The following RIMBP2 variants were observed in gnomAD, a reference collection of about 807,000 sequenced individuals.
RIMBP2 encodes RIMS-binding protein 2.
Under a neutral mutation model 118.6 loss-of-function variants are expected in RIMBP2, and 48 were observed. The ratio of observed to expected loss-of-function variants is 0.40; its 90% CI spans 0.32 to 0.51. The LOEUF (loss-of-function observed/expected upper bound fraction) is 0.51, where lower values mean the gene tolerates loss of function less well. Ranked by LOEUF, RIMBP2 falls within the 20% of genes least tolerant of loss-of-function variation. RIMBP2 has a pLI of 0.41. For synonymous variants in RIMBP2, 762 were observed against 742.9 expected (o/e 1.03, Z -0.42); for missense variants, 1,551 against 1,768.3 (o/e 0.88, Z 2.20).
intron 19 of RIMBP2, among the ~76,000 whole-genome samples, chr12:130,410,664 A>T (rs1372841213): frequency 6.6e-6 from 1 of 152,042 alleles, no homozygotes; most frequent in East Asian, 1.9e-4. Flanking sequence ...AAATCAGTGG[A>T]CTCCATATGT....
At chr12:130,415,357 T>C (rs887022517) in intron 17 of RIMBP2, among the ~76,000 whole-genome samples, 1 of 152,134 alleles carries the variant, frequency 6.6e-6, no homozygotes, top group African/African-American at 2.4e-5. Context: ...CATCCCTTCA[T>C]GATTAAAAAA....
intron 1 of RIMBP2, among the ~76,000 whole-genome samples, chr12:130,694,661 C>T (rs1157882665): frequency 6.6e-6 from 1 of 152,342 alleles, no homozygotes; most frequent in East Asian, 1.9e-4. Context: ...TGGTGCTTCC[C>T]TGGACTGGCT....
chr12:130,430,987 G>A (rs974890413), intron 14 of RIMBP2, among the ~76,000 whole-genome samples: 16 of 152,082 alleles, frequency 1.1e-4, no homozygotes, highest in East Asian at 1.9e-4. Context: ...ACGTACACCC[G>A]GAACATAGAC....
At chr12:130,575,877 G>A (rs2140123133) in intron 2 of RIMBP2, among the ~76,000 whole-genome samples, 2 of 152,312 alleles carry the variant, frequency 1.3e-5, no homozygotes, top group Non-Finnish European at 2.9e-5. Context: ...TTTACACTGT[G>A]GGAATGGGCA....
intron 6 of RIMBP2, among the ~76,000 whole-genome samples, chr12:130,463,691 T>C (rs1350307546): frequency 2.0e-5 from 3 of 151,768 alleles, no homozygotes; most frequent in Non-Finnish European, 4.4e-5. Flanking sequence ...CTTGACTTAG[T>C]GTCAGAGGCG....
intron 2 of RIMBP2, among the ~76,000 whole-genome samples, chr12:130,591,091 G>A (rs115531402): frequency 6.6e-6 from 1 of 152,314 alleles, no homozygotes; most frequent in African/African-American, 2.4e-5. Context: ...TACCAAAAAT[G>A]TTGATTAAAT....
At chr12:130,427,297 C>T (rs2076855700) in intron 15 of RIMBP2, 3 of 152,230 alleles carry the variant, frequency 2.0e-5, no homozygotes, top group Admixed American at 1.3e-4. Flanking sequence ...CCACAAAGCT[C>T]CTACCAATGG....
chr12:130,607,849 G>T (rs938394704), intron 2 of RIMBP2, among the ~76,000 whole-genome samples: 1 of 151,900 alleles, frequency 6.6e-6, no homozygotes, highest in South Asian at 2.1e-4. Flanking sequence ...TCTGTGTTGG[G>T]TGCAAGCATC....
At chr12:130,428,475 G>T in intron 14 of RIMBP2, 138 bp from the exon 15 acceptor site, 1 of 814,288 alleles carries the variant, frequency 1.2e-6, no homozygotes, top group Non-Finnish European at 1.9e-6. Flanking sequence ...CAGGGTGTGT[G>T]TTACTCGTTC....
At chr12:130,580,957 G>T (rs370443576) in intron 2 of RIMBP2, among the ~76,000 whole-genome samples, 21 of 138,750 alleles carry the variant, frequency 1.5e-4, no homozygotes, top group Admixed American at 1.5e-3. Context: ...GTTTGTTTGT[G>T]TGTGTGTGTG....
chr12:130,514,799 T>C (rs753462351), intron 3 of RIMBP2, among the ~76,000 whole-genome samples: 14 of 152,208 alleles, frequency 9.2e-5, no homozygotes, highest in Admixed American at 5.2e-4. Flanking sequence ...AGCAGAGCCT[T>C]TCCTGCAAGT....
At chr12:130,457,345 C>T (rs1238782725) in intron 6 of RIMBP2, among the ~76,000 whole-genome samples, 6 of 152,184 alleles carry the variant, frequency 3.9e-5, no homozygotes, top group Non-Finnish European at 8.8e-5. Context: ...GGAAGGCAAG[C>T]GTCTCCCCCA....
intron 20 of RIMBP2, 48 bp downstream of exon 20, chr12:130,407,678 G>A (rs1454240969): frequency 1.4e-6 from 2 of 1,429,254 alleles, no homozygotes; most frequent in Non-Finnish European, 2.0e-6. Flanking sequence ...ACGAGGGAAG[G>A]GAAGGGTGTG....
intron 5 of RIMBP2, among the ~76,000 whole-genome samples, chr12:130,474,374 G>A (rs976444656): frequency 6.6e-5 from 10 of 152,150 alleles, no homozygotes; most frequent in East Asian, 3.9e-4. Flanking sequence ...ACGGAACCTC[G>A]TCACATCTCC....
Position 130,456,432 on chromosome 12 carries a change from C to T in RIMBP2, c.358+64G>A. On this transcript the variant is annotated intron_variant, in intron 7 of 22. Coordinates refer to ENST00000690449, the MANE Select transcript of RIMBP2 (RefSeq NM_001393629.1). The stretch of plus-strand genomic sequence containing the variant: ...CAAACCGATTTCACCTGTGCACACC[C>T]TCGCAGGCAGCCAACGGCCATTCTC... 8 of 1,443,798 alleles carry T rather than the reference C, an allele frequency of 5.5e-6. No individual in the cohort carries two copies. In the South Asian group the frequency reaches 8.0e-5, roughly 14 times the overall value. 89.4% of individuals were successfully genotyped at this position (1,443,798 alleles called of 1,614,324 possible).
chr12:130,659,547 C>T (rs113728666), intron 1 of RIMBP2, among the ~76,000 whole-genome samples: 2,123 of 146,142 alleles, frequency 0.015, 53 homozygotes, highest in African/African-American at 0.05. Context: ...CCAGCCTGAG[C>T]GACAGAGCGA....
rs1392593453 is a variant in RIMBP2, at chr12:130,662,763, C to T, written c.-351-34307G>A. On this transcript the variant is annotated intron_variant, in intron 1 of 22. Coordinates refer to ENST00000690449, the MANE Select transcript of RIMBP2 (RefSeq NM_001393629.1). Reference sequence around the variant, plus strand: ...TTGAGCCCAGGAGTTTGAGACCAGCCTGGGCAACATAGCAAGACCCCATCT... The same window carrying T: ...TTGAGCCCAGGAGTTTGAGACCAGCTTGGGCAACATAGCAAGACCCCATCT... 2.6e-5 allele frequency among the ~76,000 whole-genome samples: 4 copies of T among 152,036 alleles called. No homozygotes were observed. The East Asian group carries it at 7.7e-4, about 29-fold the overall frequency.
chr12:130,509,626 A>C (rs980667795), intron 3 of RIMBP2, among the ~76,000 whole-genome samples: 3 of 151,856 alleles, frequency 2.0e-5, no homozygotes, highest in African/African-American at 7.3e-5. Flanking sequence ...GGCCTCTCCC[A>C]CACCCTTCTC....
intron 1 of RIMBP2, among the ~76,000 whole-genome samples, chr12:130,649,701 G>A (rs1391941301): frequency 6.6e-6 from 1 of 152,098 alleles, no homozygotes; most frequent in Non-Finnish European, 1.5e-5. Context: ...CCCACTTTCA[G>A]CCCTGGAGAT....
Sources: allele counts gnomAD v4.1 joint callset (sites outside exome capture counted in the v4.1 genomes callset), GRCh38; gene constraint gnomAD v4.1.1; transcripts MANE v1.5; gene names NCBI Gene and HGNC (gene_info 2026-07-23, HGNC 2026-07-21).